Variants in ZNF223 observed in about 807,000 individuals in gnomAD.
The protein encoded by ZNF223 is Homo sapiens zinc finger protein 223.
Under a neutral mutation model 12.3 loss-of-function variants are expected in ZNF223, and 9 were observed. That is an observed-to-expected ratio of 0.73 (90% CI 0.44 to 1.28). The LOEUF (loss-of-function observed/expected upper bound fraction) is 1.28. Ranked by LOEUF, ZNF223 falls within the 50% of genes most tolerant of loss-of-function variation. ZNF223 has a pLI of 0.00. For synonymous variants in ZNF223, 171 were observed against 195.2 expected, an observed-to-expected ratio of 0.88 and a Z score of 1.03; for missense variants, 506 against 579.0, an observed-to-expected ratio of 0.87 and a Z score of 1.29.
rs757660291 is a variant in ZNF223 at position 44,066,375 on chromosome 19, A to G, written c.547A>G (p.Lys183Glu). 14 of 1,614,136 alleles carry G rather than the reference A, an allele frequency of 8.7e-6. No homozygotes were observed. Among genetic ancestry groups the G allele is most frequent in the Non-Finnish European group, 5.9e-6 (7 of 1,180,056 alleles). ...EKSHSCDECG[K>E]SFCYISALHI... ...GTCTCATTCCTGTGATGAGTGTGGA[A>G]AAAGCTTCTGTTACATCTCAGCGCT... Residue 183 changes from lysine (K) to glutamate (E), a missense_variant, in exon 5 of 5, where the codon AAA becomes GAA. Lys to Glu is a moderately conservative substitution (Grantham distance 56). Transcript: ENST00000434772.
rs1312795048 is a variant in ZNF223 at position 44,060,375 on chromosome 19, C to T, written c.16-80C>T. On this transcript the variant is annotated intron_variant, in intron 2 of 4. Transcript: ENST00000434772. ...AGATCCTGAAAAACTTTCCATTTTT[C>T]CTCTTGGCCTCCTCAATGTTCCTTC... 3 of 1,560,416 alleles carry T rather than the reference C, an allele frequency of 1.9e-6. No individual in the cohort carries two copies. The East Asian group carries it at 6.8e-5, about 35-fold the overall frequency.
rs751449072 is a variant in ZNF223, at chr19:44,066,327, C to T, written c.499C>T (p.Gln167Ter). ...FSDMSIFDLP[Q>*]QIRSAEKSHS... Reference sequence around the variant, plus strand: ...TGATATGTCCATCTTTGATCTTCCTCAGCAAATACGCTCAGCAGAGAAGTC... The same window carrying T: ...TGATATGTCCATCTTTGATCTTCCTTAGCAAATACGCTCAGCAGAGAAGTC... Residue 167 changes from glutamine (Q) to a stop codon, truncating the protein, a stop_gained, in exon 5 of 5, where the codon CAG becomes TAG. Coordinates refer to ENST00000434772, the MANE Select transcript of ZNF223 (RefSeq NM_013361.6). LOFTEE classifies it low-confidence loss of function (END_TRUNC). 1.2e-6 allele frequency: 2 copies of T among 1,614,128 alleles called. No individual in the cohort carries two copies. Among genetic ancestry groups the T allele is most frequent in the African/African-American group, 1.3e-5 (1 of 74,940 alleles).
At chr19:44,062,392 C>G (rs1976853661) in intron 4 of ZNF223, among the ~76,000 whole-genome samples, 1 of 152,192 alleles carries the variant, frequency 6.6e-6, no homozygotes, top group Non-Finnish European at 1.5e-5. Flanking sequence ...CAACATAGGA[C>G]TCAGTGTGTG....
At chr19:44,057,745 T>C (rs955428563) in intron 2 of ZNF223, among the ~76,000 whole-genome samples, 6 of 152,172 alleles carry the variant, frequency 3.9e-5, no homozygotes, top group African/African-American at 1.4e-4. Flanking sequence ...GCAATAAGCA[T>C]ATGTGGTTTG....
At chr19:44,064,795 G>A (rs917678851) in intron 4 of ZNF223, among the ~76,000 whole-genome samples, 5 of 152,076 alleles carry the variant, frequency 3.3e-5, no homozygotes, top group African/African-American at 1.2e-4. Context: ...GTCCAGTGAA[G>A]TACCAAATGT....
chr19:44,058,009 C>A (rs1976791035), intron 2 of ZNF223, among the ~76,000 whole-genome samples: 2 of 152,180 alleles, frequency 1.3e-5, no homozygotes, highest in African/African-American at 4.8e-5. Flanking sequence ...GTATGTGCCC[C>A]ACTTGCACCA....
intron 2 of ZNF223, 114 bp downstream of exon 2, chr19:44,055,305 C>CT (rs1428311110): frequency 8.4e-7 from 1 of 1,188,446 alleles, no homozygotes; most frequent in Non-Finnish European, 1.2e-6. Context: ...TTGAGGATCT[C>CT]TTGTCACCTG....
At chr19:44,053,984 A>C (rs1485192251) in intron 1 of ZNF223, among the ~76,000 whole-genome samples, 1 of 152,194 alleles carries the variant, frequency 6.6e-6, no homozygotes, top group African/African-American at 2.4e-5. Context: ...TTACAGATTA[A>C]CAGCATCTCA....
At chr19:44,058,792 A>G (rs1013179480) in intron 2 of ZNF223, among the ~76,000 whole-genome samples, 5 of 152,096 alleles carry the variant, frequency 3.3e-5, no homozygotes, top group African/African-American at 4.8e-5. Flanking sequence ...GTGTCTCATC[A>G]TTTTTCATGG....
At chr19:44,060,278 A>G (rs945415217) in intron 2 of ZNF223, 177 bp from the exon 3 acceptor site, 1 of 1,099,994 alleles carries the variant, frequency 9.1e-7, no homozygotes, top group Non-Finnish European at 1.3e-6. Flanking sequence ...CGCTTGGGAC[A>G]ATCAAGGTGT....
chr19:44,064,072 A>C (rs574665865), intron 4 of ZNF223, among the ~76,000 whole-genome samples: 1 of 152,328 alleles, frequency 6.6e-6, no homozygotes, highest in African/African-American at 2.4e-5. Context: ...CACCTCTTTC[A>C]GTATAACCTG....
intron 1 of ZNF223, among the ~76,000 whole-genome samples, chr19:44,053,084 A>G (rs773473090): frequency 9.2e-5 from 14 of 152,000 alleles, no homozygotes; most frequent in Admixed American, 3.3e-4. Flanking sequence ...TCACATTTCC[A>G]TAGTTGTTCA....
chr19:44,065,994 A>G (rs1332721768), intron 4 of ZNF223, 70 bp from the exon 5 acceptor site: 1 of 1,516,286 alleles, frequency 6.6e-7, no homozygotes, highest in Admixed American at 2.3e-5. Context: ...ACCATGTCCT[A>G]AGTGTGAACT....
At chr19:44,061,086 C>T (rs901585503) in intron 4 of ZNF223, among the ~76,000 whole-genome samples, 4 of 152,190 alleles carry the variant, frequency 2.6e-5, no homozygotes, top group African/African-American at 9.7e-5. Flanking sequence ...GCCTTTCTGT[C>T]TTCTTAATTT....
intron 4 of ZNF223, chr19:44,063,678 G>C (rs1393154386): frequency 1.3e-5 from 2 of 152,258 alleles, no homozygotes; most frequent in East Asian, 3.8e-4. Flanking sequence ...AGCACCTTCT[G>C]AAGTTAGCCA....
chr19:44,051,872 A>G (rs1476476600), upstream of ZNF223: 2 of 152,208 alleles, frequency 1.3e-5, no homozygotes, highest in Admixed American at 1.3e-4. Flanking sequence ...GGCTCGTGGA[A>G]CACTGGGTAT....
At chr19:44,066,027 T>G in intron 4 of ZNF223, 37 bp from the exon 5 acceptor site, 1 of 1,543,886 alleles carries the variant, frequency 6.5e-7, no homozygotes, top group Non-Finnish European at 8.7e-7. Context: ...GAACAGGGCA[T>G]AGCTTGTCCT....
chr19:44,060,743 T>G lies in ZNF223; in HGVS notation c.143-6T>G, dbSNP rs755928649. On this transcript the variant is annotated splice_region_variant and splice_polypyrimidine_tract_variant and intron_variant, in intron 3 of 4. Coordinates refer to ENST00000434772, the MANE Select transcript of ZNF223 (RefSeq NM_013361.6). ...GGATTAAGCATGTGACTTTTCCTGTTTACAGGGCATCAACCATTCCACCGA... is the reference window on the plus strand; with the variant it reads ...GGATTAAGCATGTGACTTTTCCTGTGTACAGGGCATCAACCATTCCACCGA... The G allele has an allele frequency of 3.1e-6, 5 of 1,614,112 alleles. No homozygotes were observed. Among genetic ancestry groups the G allele is most frequent in the Non-Finnish European group, 3.4e-6 (4 of 1,179,994 alleles).
intron 2 of ZNF223, 174 bp from the exon 3 acceptor site, chr19:44,060,281 C>T: frequency 1.8e-6 from 2 of 1,108,174 alleles, no homozygotes; most frequent in South Asian, 1.7e-5. Flanking sequence ...TTGGGACAAT[C>T]AAGGTGTGTC....
Sources: allele counts gnomAD v4.1 joint callset (sites outside exome capture counted in the v4.1 genomes callset), GRCh38; gene constraint gnomAD v4.1.1; transcripts MANE v1.5; gene names NCBI Gene and HGNC (gene_info 2026-07-23, HGNC 2026-07-21).